The following EFCAB14 variants were observed in gnomAD, a reference collection of about 807,000 sequenced individuals.
The protein encoded by EFCAB14 is EF-hand calcium binding domain 14.
A neutral mutation model predicts 56.5 loss-of-function variants in EFCAB14; 43 were observed. The observed-to-expected ratio is 0.76, with a 90% CI of 0.60 to 0.98. The LOEUF (loss-of-function observed/expected upper bound fraction) is 0.98. Among genes scored for constraint, EFCAB14 ranks in the 50% least tolerant of loss-of-function variants. The probability of loss-of-function intolerance (pLI) is 0.00; values close to 1 mark genes in which losing one functional copy is unlikely to be tolerated. For synonymous variants in EFCAB14, 235 were observed against 212.9 expected (o/e 1.10, Z -0.90); for missense variants, 538 against 580.3 (o/e 0.93, Z 0.75).
intron 8 of EFCAB14, among the ~76,000 whole-genome samples, chr1:46,686,474 A>G (rs1676883199): frequency 6.6e-6 from 1 of 152,154 alleles, no homozygotes; most frequent in Non-Finnish European, 1.5e-5. Context: ...CATACTCATG[A>G]TTCATGACCT....
intron 7 of EFCAB14, among the ~76,000 whole-genome samples, chr1:46,687,828 C>T (rs988015999): frequency 1.4e-4 from 22 of 152,166 alleles, no homozygotes; most frequent in African/African-American, 5.1e-4. Flanking sequence ...AACTCAATGA[C>T]CTCTTAAGTT....
chr1:46,708,915 T>A (rs1457654122), intron 2 of EFCAB14, among the ~76,000 whole-genome samples: 7 of 151,060 alleles, frequency 4.6e-5, no homozygotes, highest in Admixed American at 3.3e-4. Context: ...ATATTAATAA[T>A]GGCTGGTCCT....
intron 2 of EFCAB14, among the ~76,000 whole-genome samples, chr1:46,710,912 C>A (rs1206563849): frequency 6.6e-6 from 1 of 152,150 alleles, no homozygotes; most frequent in East Asian, 1.9e-4. Flanking sequence ...ACTTTCCGTT[C>A]CCAGCTCATT....
chr1:46,684,372 C>T, intron 9 of EFCAB14, 119 bp downstream of exon 9: 7 of 729,390 alleles, frequency 9.6e-6, no homozygotes, highest in Non-Finnish European at 1.6e-5. Context: ...CATCTCGGTG[C>T]GTTCAGGCAT....
Position 46,683,284 on chromosome 1 carries a change from T to TG in EFCAB14, c.1312+15dup. ...TTTGAACATTCCCATTACTACCCCGTGGTATAAAAATTTACCTTCAGTGCT... is the reference window on the plus strand; with the variant it reads ...TTTGAACATTCCCATTACTACCCCGTGGGTATAAAAATTTACCTTCAGTGCT... On this transcript the variant is annotated intron_variant, in intron 10 of 10. Transcript: ENST00000371933. 1 of 1,610,012 alleles carries TG rather than the reference T, an allele frequency of 6.2e-7. No homozygotes were observed. The highest frequency in any genetic ancestry group is 8.5e-7 in the Non-Finnish European group (1 of 1,178,826).
chr1:46,696,580 G>A lies in EFCAB14; in HGVS notation c.550C>T (p.Leu184=), dbSNP rs1557445365. The A allele has an allele frequency of 8.1e-6, 13 of 1,613,596 alleles. No individual in the cohort carries two copies. Among genetic ancestry groups the A allele is most frequent in the Non-Finnish European group, 1.1e-5 (13 of 1,179,650 alleles). The change falls in exon 4 of 11, where the codon CTG becomes TTG. Residue 184 remains leucine, a synonymous_variant. Transcript: ENST00000371933. ...TGAAGTCCCTCTACAGTGGTAGGCA[G>A]GCTAATCAAGTCTGCAGCTGACTTA... ...NVKSAADLIS[L]PTTVEGLQKS... is the part of the protein sequence containing the mutation.
chr1:46,678,786 AG>A, intron 10 of EFCAB14, 150 bp from the exon 11 acceptor site: 1 of 578,800 alleles, frequency 1.7e-6, no homozygotes, highest in Non-Finnish European at 2.8e-6. Flanking sequence ...TCACTAAATC[AG>A]GAAGACTAAT....
chr1:46,679,733 C>G (rs1215127154), intron 10 of EFCAB14, among the ~76,000 whole-genome samples: 1 of 149,478 alleles, frequency 6.7e-6, no homozygotes, highest in African/African-American at 2.5e-5. Context: ...GCCTCAGCCT[C>G]CTTAGTAGCT....
At chr1:46,684,262 T>C in intron 9 of EFCAB14, 1 of 504,780 alleles carries the variant, frequency 2.0e-6, no homozygotes, top group Non-Finnish European at 3.5e-6. Flanking sequence ...TGGAGAATTC[T>C]ATTTCCAGCT....
chr1:46,692,139 T>G, intron 4 of EFCAB14: 3 of 417,082 alleles, frequency 7.2e-6, no homozygotes, highest in African/African-American at 2.1e-5. Context: ...TTGCCGATCG[T>G]TCCCAGGCAA....
chr1:46,688,212 A>C, intron 7 of EFCAB14, 141 bp downstream of exon 7: 1 of 786,412 alleles, frequency 1.3e-6, no homozygotes, highest in Non-Finnish European at 2.1e-6. Context: ...ATTAAATGAG[A>C]CAACACATTG....
chr1:46,717,221 C>T (rs1330264329), intron 1 of EFCAB14, among the ~76,000 whole-genome samples: 1 of 152,178 alleles, frequency 6.6e-6, no homozygotes, highest in Non-Finnish European at 1.5e-5. Context: ...CGACCTTCTG[C>T]CTAGCCATTG....
chr1:46,710,181 T>C (rs1224110378), intron 2 of EFCAB14, among the ~76,000 whole-genome samples: 1 of 152,214 alleles, frequency 6.6e-6, no homozygotes, highest in African/African-American at 2.4e-5. Flanking sequence ...TTCATTATAA[T>C]GACAGACTTC....
Position 46,718,970 on chromosome 1 carries a change from C to G in EFCAB14, c.-883G>C, listed in dbSNP as rs948179145. On this transcript the variant is annotated 5_prime_UTR_variant, in exon 1 of 11. Coordinates refer to ENST00000371933, the MANE Select transcript of EFCAB14 (RefSeq NM_014774.3). Reference sequence around the variant, plus strand: ...TCTCGGCCACTCACACGCGCAGGCCCCACTCCAGCCGCGACTCCGGCCCCT... The same window carrying G: ...TCTCGGCCACTCACACGCGCAGGCCGCACTCCAGCCGCGACTCCGGCCCCT... 1.3e-5 allele frequency: 2 copies of G among 153,336 alleles called. No individual in the cohort carries two copies. The highest frequency in any genetic ancestry group is 4.8e-5 in the African/African-American group (2 of 41,476). 9.5% of individuals were successfully genotyped at this position (153,336 alleles called of 1,614,324 possible).
At chr1:46,685,715 T>C (rs1676870780) in intron 8 of EFCAB14, among the ~76,000 whole-genome samples, 1 of 152,200 alleles carries the variant, frequency 6.6e-6, no homozygotes, top group Non-Finnish European at 1.5e-5. Context: ...ATATTTATTG[T>C]TAAAATGTGA....
At chr1:46,712,135 T>C (rs1677318521) in intron 2 of EFCAB14, among the ~76,000 whole-genome samples, 2 of 152,246 alleles carry the variant, frequency 1.3e-5, no homozygotes, top group South Asian at 4.1e-4. Flanking sequence ...CTTCTGCTCC[T>C]AGGACCAGTA....
At chr1:46,681,535 C>T (rs1397142546) in intron 10 of EFCAB14, among the ~76,000 whole-genome samples, 2 of 152,144 alleles carry the variant, frequency 1.3e-5, no homozygotes, top group Non-Finnish European at 2.9e-5. Flanking sequence ...TGAATAGGGC[C>T]CTACTCTCAC....
intron 4 of EFCAB14, among the ~76,000 whole-genome samples, chr1:46,695,767 C>G (rs1216724097): frequency 1.3e-5 from 2 of 152,158 alleles, no homozygotes; most frequent in Non-Finnish European, 2.9e-5. Context: ...GTAGCCTCAA[C>G]CTCCCAGGCT....
chr1:46,686,619 A>C, intron 8 of EFCAB14, 165 bp downstream of exon 8: 1 of 733,700 alleles, frequency 1.4e-6, no homozygotes, highest in Non-Finnish European at 2.3e-6. Context: ...GGTGCCTAAA[A>C]AAGTATTCAT....
Sources: gnomAD v4.1 joint callset for allele counts (sites outside exome capture counted in the v4.1 genomes callset) on GRCh38, gnomAD v4.1.1 for gene constraint, MANE v1.5 for transcripts, NCBI Gene and HGNC (gene_info 2026-07-23, HGNC 2026-07-21) for gene names.